APLNR: variants seen among roughly 807,000 people sequenced by gnomAD.
APLNR encodes APJ (apelin) receptor.
Under a neutral mutation model 23.4 loss-of-function variants are expected in APLNR, and 13 were observed. That is an observed-to-expected ratio of 0.56 (90% CI 0.36 to 0.88). The LOEUF (loss-of-function observed/expected upper bound fraction) is 0.88. Among genes scored for constraint, APLNR ranks in the 40% least tolerant of loss-of-function variants. APLNR has a pLI of 0.01. For synonymous variants in APLNR, 234 were observed against 211.9 expected (o/e 1.10, Z -0.91); for missense variants, 480 against 517.1 (o/e 0.93, Z 0.70).
At position 57,236,197 on chromosome 11, in the gene APLNR, G is replaced by C; in HGVS notation, c.808C>G (p.Leu270Val). ...CWMPYHLVKT[L>V]YMLGSLLHWP... ...TGCAGCAGGCTGCCCAGCATGTACA[G>C]CGTCTTCACCAGGTGGTAGGGCATC... Residue 270 changes from leucine (L) to valine (V), a missense_variant, in exon 1 of 1, where the codon CTG (leucine) becomes GTG (valine). Transcript: ENST00000606794. The C allele has an allele frequency of 6.2e-7, 1 of 1,614,138 alleles. No homozygotes were observed. The highest frequency in any genetic ancestry group is 8.5e-7 in the Non-Finnish European group (1 of 1,180,010).
chr11:57,236,555 C>T lies in APLNR; in HGVS notation c.450G>A (p.Thr150=), dbSNP rs766281140. Residue 150 remains threonine (T), a synonymous_variant, in exon 1 of 1, where the codon ACG becomes ACA. Transcript: ENST00000606794. ...GGGCGGCCAGCACCCAAAGAACTGCCGTGGCCACGGCCCCGCTGACCCGCA... is the reference window on the plus strand; with the variant it reads ...GGGCGGCCAGCACCCAAAGAACTGCTGTGGCCACGGCCCCGCTGACCCGCA... ...LRLRVSGAVA[T]AVLWVLAALL... 2.2e-5 allele frequency: 36 copies of T among 1,613,706 alleles called. No individual in the cohort carries two copies. The highest frequency in any genetic ancestry group is 1.1e-4 in the South Asian group (10 of 91,054).
Position 57,234,580 on chromosome 11 carries a change from AT to A in APLNR, c.*1281del. 6.6e-6 allele frequency: 1 copy of A among 152,050 alleles called. No individual in the cohort carries two copies. The highest frequency in any genetic ancestry group is 1.5e-5 in the Non-Finnish European group (1 of 67,990). 9.4% of individuals were successfully genotyped at this position (152,050 alleles called of 1,614,324 possible). ...GGGGGTGGACTCATTTTTATTCTAC[AT>A]TTTTCATTGCCTCAGTGTGTCCCTG... On this transcript the variant is annotated 3_prime_UTR_variant, in exon 1 of 1. Coordinates refer to ENST00000606794, the MANE Select transcript of APLNR (RefSeq NM_005161.6).
In APLNR at chr11:57,236,011, C is replaced by T. The variant is rs764929700; in HGVS notation, c.994G>A (p.Ala332Thr). ...SMLCCGQSRC[A>T]GTSHSSSGEK... The stretch of plus-strand genomic sequence containing the variant: ...CCACTGCTGCTGTGGGAGGTGCCTG[C>T]GCACCTGCTCTGGCCACAGCAGAGC... The change falls in exon 1 of 1, where the codon GCA becomes ACA. Residue 332 changes from alanine (A) to threonine (T), a missense_variant. Coordinates refer to ENST00000606794, the MANE Select transcript of APLNR (RefSeq NM_005161.6). 2.1e-5 allele frequency: 34 copies of T among 1,614,126 alleles called. No homozygotes were observed. Among genetic ancestry groups the T allele is most frequent in the Non-Finnish European group, 2.7e-5 (32 of 1,180,054 alleles).
rs1322779715 is a variant in APLNR at position 57,236,437 on chromosome 11, T to C, written c.568A>G (p.Thr190Ala). 6.2e-7 allele frequency: 1 copy of C among 1,614,176 alleles called. No homozygotes were observed. The highest frequency in any genetic ancestry group is 8.5e-7 in the Non-Finnish European group (1 of 1,180,008). ...QCYMDYSMVA[T>A]VSSEWAWEVG... is the part of the protein sequence containing the mutation. ...TCCCAGGCCCACTCTGAGCTCACAG[T>C]GGCCACCATGGAGTAGTCCATGTAG... The change falls in exon 1 of 1, where the codon ACT becomes GCT. Residue 190 changes from threonine to alanine, a missense_variant. Coordinates refer to ENST00000606794, the MANE Select transcript of APLNR (RefSeq NM_005161.6).
chr11:57,233,865 A>C lies in APLNR; in HGVS notation c.*1997T>G, dbSNP rs950144924. 1 of 152,174 alleles carries C rather than the reference A, an allele frequency of 6.6e-6. No individual in the cohort carries two copies. Among genetic ancestry groups the C allele is most frequent in the Non-Finnish European group, 1.5e-5 (1 of 68,042 alleles). The allele number at this position is 152,174 out of a possible 1,614,324, so 9.4% of individuals were successfully genotyped here. On this transcript the variant is annotated 3_prime_UTR_variant, in exon 1 of 1. Transcript: ENST00000606794. Reference sequence around the variant, plus strand: ...CTGGGCAGAGGAGGTGACTCTGTGAAAGATGCTATCTTAAGATGGGGAGAC... The same window carrying C: ...CTGGGCAGAGGAGGTGACTCTGTGACAGATGCTATCTTAAGATGGGGAGAC...
At position 57,236,568 on chromosome 11, in the gene APLNR, C is replaced by G; in HGVS notation, c.437G>C (p.Gly146Ala). ...CCAAAGAACTGCCGTGGCCACGGCC[C>G]CGCTGACCCGCAGCCTCAGCCGAGC... ...ANARLRLRVS[G>A]AVATAVLWVL... The change falls in exon 1 of 1, where the codon GGG becomes GCG. Residue 146 changes from glycine to alanine, a missense_variant. Coordinates refer to ENST00000606794, the MANE Select transcript of APLNR (RefSeq NM_005161.6). 2 of 1,613,378 alleles carry G rather than the reference C, an allele frequency of 1.2e-6. No individual in the cohort carries two copies.
Position 57,235,943 on chromosome 11 carries a change from G to C in APLNR, c.1062C>G (p.Pro354=). The C allele has an allele frequency of 6.2e-7, 1 of 1,614,252 alleles. No homozygotes were observed. The highest frequency in any genetic ancestry group is 1.1e-5 in the South Asian group (1 of 91,088). Residue 354 remains proline (P), a synonymous_variant, in exon 1 of 1, where the codon CCC becomes CCG. Coordinates refer to ENST00000606794, the MANE Select transcript of APLNR (RefSeq NM_005161.6). ...CTCCACCCTTGCCCATGTTGGGGCC[G>C]GGCCCCTGGCTGTGCCCCGAAGAGT... ...ASYSSGHSQG[P]GPNMGKGGEQ...
chr11:57,236,409 A>G lies in APLNR; in HGVS notation c.596T>C (p.Val199Ala). The G allele has an allele frequency of 6.2e-7, 1 of 1,614,014 alleles. No individual in the cohort carries two copies. Among genetic ancestry groups the G allele is most frequent in the Non-Finnish European group, 8.5e-7 (1 of 1,179,932 alleles). The change falls in exon 1 of 1, where the codon GTG becomes GCG. Residue 199 changes from valine to alanine, a missense_variant. Val to Ala is a moderately conservative substitution (Grantham distance 64). Transcript: ENST00000606794. ...ATVSSEWAWE[V>A]GLGVSSTTVG... The stretch of plus-strand genomic sequence containing the variant: ...GGTGGTGGACGAGACCCCAAGGCCC[A>G]CCTCCCAGGCCCACTCTGAGCTCAC...
In APLNR at chr11:57,236,312, G is replaced by A; in HGVS notation, c.693C>T (p.His231=). The change falls in exon 1 of 1, where the codon CAC becomes CAT. Residue 231 remains histidine (H), a synonymous_variant. Transcript: ENST00000606794. ...YFFIAQTIAG[H]FRKERIEGLR... is the part of the protein sequence containing the mutation. Reference sequence around the variant, plus strand: ...GGCCCTCGATGCGTTCCTTGCGGAAGTGGCCAGCGATGGTTTGGGCGATGA... The same window carrying A: ...GGCCCTCGATGCGTTCCTTGCGGAAATGGCCAGCGATGGTTTGGGCGATGA... 2.5e-6 allele frequency: 4 copies of A among 1,614,222 alleles called. No homozygotes were observed. The highest frequency in any genetic ancestry group is 3.4e-6 in the Non-Finnish European group (4 of 1,180,046).
Position 57,236,197 on chromosome 11 carries a change from G to A in APLNR, c.808C>T (p.Leu270=), listed in dbSNP as rs143066273. Residue 270 remains leucine (L), a synonymous_variant, in exon 1 of 1, where the codon CTG becomes TTG. Transcript: ENST00000606794. ...CWMPYHLVKT[L]YMLGSLLHWP... ...TGCAGCAGGCTGCCCAGCATGTACA[G>A]CGTCTTCACCAGGTGGTAGGGCATC... 6.2e-7 allele frequency: 1 copy of A among 1,614,138 alleles called. No individual in the cohort carries two copies. Among genetic ancestry groups the A allele is most frequent in the Non-Finnish European group, 8.5e-7 (1 of 1,180,010 alleles).
Position 57,235,953 on chromosome 11 carries a change from C to T in APLNR, c.1052G>A (p.Ser351Asn). 1 of 1,614,290 alleles carries T rather than the reference C, an allele frequency of 6.2e-7. No individual in the cohort carries two copies. The highest frequency in any genetic ancestry group is 1.3e-5 in the African/African-American group (1 of 75,078). The part of the protein sequence containing the change: ...EKSASYSSGH[S>N]QGPGPNMGKG... The stretch of plus-strand genomic sequence containing the variant: ...GCCCATGTTGGGGCCGGGCCCCTGG[C>T]TGTGCCCCGAAGAGTAGCTGGCTGA... Residue 351 changes from serine (S) to asparagine (N), a missense_variant, in exon 1 of 1, where the codon AGC (serine) becomes AAC (asparagine). By Grantham distance (46) the Ser-to-Asn change is conservative. Transcript: ENST00000606794.
rs987592819 is a variant in APLNR at position 57,236,401 on chromosome 11, C to G, written c.604G>C (p.Gly202Arg). 5 of 1,614,094 alleles carry G rather than the reference C, an allele frequency of 3.1e-6. No individual in the cohort carries two copies. Among genetic ancestry groups the G allele is most frequent in the Non-Finnish European group, 4.2e-6 (5 of 1,179,966 alleles). The change falls in exon 1 of 1, where the codon GGG becomes CGG. Residue 202 changes from glycine to arginine, a missense_variant. By Grantham distance (125) the Gly-to-Arg change is moderately radical. Coordinates refer to ENST00000606794, the MANE Select transcript of APLNR (RefSeq NM_005161.6). ...SSEWAWEVGL[G>R]VSSTTVGFVV... ...AAGCCCACGGTGGTGGACGAGACCC[C>G]AAGGCCCACCTCCCAGGCCCACTCT...
chr11:57,236,059 A>T lies in APLNR; in HGVS notation c.946T>A (p.Phe316Ile), dbSNP rs1170323244. 1 of 1,614,238 alleles carries T rather than the reference A, an allele frequency of 6.2e-7. No individual in the cohort carries two copies. The highest frequency in any genetic ancestry group is 1.7e-5 in the Admixed American group (1 of 60,030). The change falls in exon 1 of 1, where the codon TTC (phenylalanine) becomes ATC (isoleucine). Residue 316 changes from phenylalanine (F) to isoleucine (I), a missense_variant. Physicochemically the swap from Phe to Ile is conservative, Grantham distance 21. Coordinates refer to ENST00000606794, the MANE Select transcript of APLNR (RefSeq NM_005161.6). Reference sequence around the variant, plus strand: ...AGCATGGAGGTGCAGGCCTGGCGGAAGCGGGGGTCGAAAAAGGCATAGAGG... The same window carrying T: ...AGCATGGAGGTGCAGGCCTGGCGGATGCGGGGGTCGAAAAAGGCATAGAGG... ...PFLYAFFDPR[F>I]RQACTSMLCC...
In APLNR at chr11:57,236,999, C is replaced by T. The variant is rs1344081411; in HGVS notation, c.6G>A (p.Glu2=). ...AGTAGTTGTCAAAATCACCACCTTC[C>T]TCCATGCTGGGGAGTGGAGAGAAGA... M[E]EGGDFDNYYG... Residue 2 remains glutamate, a synonymous_variant, in exon 1 of 1, where the codon GAG becomes GAA. Transcript: ENST00000606794. The T allele has an allele frequency of 6.3e-7, 1 of 1,585,842 alleles. No homozygotes were observed. The highest frequency in any genetic ancestry group is 2.2e-5 in the East Asian group (1 of 44,664).
At position 57,235,631 on chromosome 11, in the gene APLNR, T is replaced by G; in HGVS notation, c.*231A>C. ...TACCAATGGAGAAACTGAGGCTGAGTGAGATTAAATGGCTTGTGCAGGGTC... is the reference window on the plus strand; with the variant it reads ...TACCAATGGAGAAACTGAGGCTGAGGGAGATTAAATGGCTTGTGCAGGGTC... On this transcript the variant is annotated 3_prime_UTR_variant, in exon 1 of 1. Transcript: ENST00000606794. 2.1e-6 allele frequency: 1 copy of G among 481,040 alleles called. No individual in the cohort carries two copies. Among genetic ancestry groups the G allele is most frequent in the Non-Finnish European group, 3.6e-6 (1 of 277,410 alleles). 29.8% of individuals were successfully genotyped at this position (481,040 alleles called of 1,614,324 possible).
chr11:57,234,261 G>A lies in APLNR; in HGVS notation c.*1601C>T, dbSNP rs1018445105. ...GTGCCTTTTGGCCCATGGCAAGCAGGAGGCCTCCTTAGGAAGAGGGCCACT... is the reference window on the plus strand; with the variant it reads ...GTGCCTTTTGGCCCATGGCAAGCAGAAGGCCTCCTTAGGAAGAGGGCCACT... On this transcript the variant is annotated 3_prime_UTR_variant, in exon 1 of 1. Transcript: ENST00000606794. 1 of 152,178 alleles carries A rather than the reference G, an allele frequency of 6.6e-6. No individual in the cohort carries two copies. Among genetic ancestry groups the A allele is most frequent in the Non-Finnish European group, 1.5e-5 (1 of 68,066 alleles). 9.4% of individuals were successfully genotyped at this position (152,178 alleles called of 1,614,324 possible). A position where few individuals can be genotyped will look rare whatever the true frequency, so the allele number is the denominator to read the frequency against.
Position 57,236,621 on chromosome 11 carries a change from G to A in APLNR, c.384C>T (p.Tyr128=). 16 of 1,609,856 alleles carry A rather than the reference G, an allele frequency of 9.9e-6. No homozygotes were observed. The highest frequency in any genetic ancestry group is 1.3e-5 in the Non-Finnish European group (15 of 1,178,978). The change falls in exon 1 of 1, where the codon TAC becomes TAT. Residue 128 remains tyrosine (Y), a synonymous_variant. Transcript: ENST00000606794. ...TGGCCACTGGCCTCACGATGGCCAG[G>A]TAGCGGTCGAAGCTGAGGCCGGTGA... is the stretch of plus-strand genomic sequence containing the variant. ...FCLTGLSFDR[Y]LAIVRPVANA... is the part of the protein sequence containing the mutation.
At position 57,235,489 on chromosome 11, in the gene APLNR, A is replaced by G. The variant is rs145342843; in HGVS notation, c.*373T>C. On this transcript the variant is annotated 3_prime_UTR_variant, in exon 1 of 1. Transcript: ENST00000606794. ...GAGTGGTGGGGGAAAAACTACAAGG[A>G]AAGAAGGGAGGAAAGACGATTGCAG... The G allele has an allele frequency of 4.0e-4, 70 of 173,012 alleles. No homozygotes were observed. Among genetic ancestry groups the G allele is most frequent in the Non-Finnish European group, 7.4e-4 (61 of 82,400 alleles). The allele number at this position is 173,012 out of a possible 1,614,324, so 10.7% of individuals were successfully genotyped here.
In APLNR at chr11:57,236,805, A is replaced by G. The variant is rs753248942; in HGVS notation, c.200T>C (p.Phe67Ser). The change falls in exon 1 of 1, where the codon TTC becomes TCC. Residue 67 changes from phenylalanine to serine, a missense_variant. Coordinates refer to ENST00000606794, the MANE Select transcript of APLNR (RefSeq NM_005161.6). ...GTCAGCCACCGCCAGGCTAGCAATGAAGATATCAGCTGAGCGCCTCTTCTC... is the reference window on the plus strand; with the variant it reads ...GTCAGCCACCGCCAGGCTAGCAATGGAGATATCAGCTGAGCGCCTCTTCTC... ...SREKRRSADIFIASLAVADLT... is the reference protein window; with the variant it reads ...SREKRRSADISIASLAVADLT... 10 of 1,614,122 alleles carry G rather than the reference A, an allele frequency of 6.2e-6. No homozygotes were observed. Among genetic ancestry groups the G allele is most frequent in the African/African-American group, 1.3e-5 (1 of 74,946 alleles).
Sources: gnomAD v4.1 joint callset for allele counts on GRCh38, gnomAD v4.1.1 for gene constraint, MANE v1.5 for transcripts, NCBI Gene and HGNC (gene_info 2026-07-23, HGNC 2026-07-21) for gene names.